Variants in ANKRD11 observed in about 807,000 individuals in gnomAD.
The protein encoded by ANKRD11 is ankyrin repeat domain-containing protein 11.
A neutral mutation model predicts 195.7 loss-of-function variants in ANKRD11; 17 were observed. That is an observed-to-expected ratio of 0.09 (90% CI 0.06 to 0.13). ANKRD11 has a LOEUF of 0.13. Among genes scored for constraint, ANKRD11 ranks in the 10% least tolerant of loss-of-function variants. ANKRD11 has a pLI of 1.00. For synonymous variants in ANKRD11, 1,953 were observed against 1,528.1 expected (o/e 1.28, Z -6.49); for missense variants, 3,735 against 3,566.1 (o/e 1.05, Z -1.21).
At chr16:89,402,014 G>C (rs544561407) in intron 2 of ANKRD11, among the ~76,000 whole-genome samples, 6 of 150,258 alleles carry the variant, frequency 4.0e-5, no homozygotes, top group African/African-American at 1.5e-4. Flanking sequence ...TGGGAGAACA[G>C]ATCCTTGCTG....
rs548535078 is a variant in ANKRD11, at chr16:89,291,489, G to A, written c.227-306C>T. Among the ~76,000 whole-genome samples the A allele has an allele frequency of 6.4e-4, 98 of 152,236 alleles. 1 individual carries two copies. Among genetic ancestry groups the A allele is most frequent in the African/African-American group, 2.3e-3 (94 of 41,538 alleles). The stretch of plus-strand genomic sequence containing the variant: ...CCTCTCCTGGGCCTCCCCAGACCTC[G>A]TACCACACATGAATGCGGTGGGACA... On this transcript the variant is annotated intron_variant, in intron 4 of 12. Transcript: ENST00000301030. This position sits in a 1 kb window ranked among gnomAD's most constrained non-coding sequence, Gnocchi z 5.3.
At chr16:89,431,947 C>G (rs773887428) in intron 1 of ANKRD11, among the ~76,000 whole-genome samples, 9 of 152,162 alleles carry the variant, frequency 5.9e-5, no homozygotes, top group Non-Finnish European at 1.3e-4. Context: ...TCCTCCCTAT[C>G]AAAAGCCCAC....
intron 1 of ANKRD11, among the ~76,000 whole-genome samples, chr16:89,489,565 A>T (rs113494832): frequency 2.0e-5 from 3 of 151,614 alleles, no homozygotes; most frequent in African/African-American, 7.3e-5. Flanking sequence ...CTCATTTCAA[A>T]ACAGCGATAA....
chr16:89,397,689 G>A (rs2041504960), intron 2 of ANKRD11, among the ~76,000 whole-genome samples: 2 of 152,262 alleles, frequency 1.3e-5, no homozygotes, highest in South Asian at 4.1e-4. Context: ...TGCTTTTGTG[G>A]ATGCTGACCC....
At chr16:89,354,522 T>C (rs1363729088) in intron 2 of ANKRD11, among the ~76,000 whole-genome samples, 3 of 152,164 alleles carry the variant, frequency 2.0e-5, no homozygotes, top group African/African-American at 4.8e-5. Context: ...CTGCTCTTGA[T>C]AGGGAGGGCA....
At position 89,268,556 on chromosome 16, in the gene ANKRD11, G is replaced by T; in HGVS notation, c.7914C>A (p.Ser2638=). The T allele has an allele frequency of 5.9e-6, 9 of 1,515,728 alleles. No individual in the cohort carries two copies. The highest frequency in any genetic ancestry group is 8.1e-6 in the Non-Finnish European group (9 of 1,116,344). 93.9% of individuals were successfully genotyped at this position (1,515,728 alleles called of 1,614,324 possible). A position where few individuals can be genotyped will look rare whatever the true frequency, so the allele number is the denominator to read the frequency against. The change falls in exon 13 of 13, where the codon TCC becomes TCA. Residue 2638 remains serine (S), a synonymous_variant. Transcript: ENST00000301030. ...AGGAGGGCACCTCGTTCACGCACAG[G>T]GACTTGTGCCCGGCGGGGTCCAGTT... is the stretch of plus-strand genomic sequence containing the variant. ...VQELDPAGHK[S]LCVNEVPSFY...
At chr16:89,372,734 G>A (rs367799520) in intron 2 of ANKRD11, 23 of 152,294 alleles carry the variant, frequency 1.5e-4, no homozygotes, top group African/African-American at 5.5e-4. Flanking sequence ...CGGGGACCCA[G>A]GACACTGTTC....
chr16:89,452,741 T>C (rs1407526815), intron 1 of ANKRD11, among the ~76,000 whole-genome samples: 1 of 142,972 alleles, frequency 7.0e-6, no homozygotes, highest in East Asian at 2.1e-4. Flanking sequence ...GATCATGCCA[T>C]TGCACTCCAG....
Position 89,432,989 on chromosome 16 carries a change from TC to T in ANKRD11, c.-144-14622del, listed in dbSNP as rs1184994176. Among the ~76,000 whole-genome samples the T allele has an allele frequency of 8.7e-3, 1,034 of 118,226 alleles. 8 individuals carry two copies. The highest frequency in any genetic ancestry group is 0.024 in the African/African-American group (630 of 26,696). The allele number at this position is 118,226 out of a possible 152,430, so 77.6% of individuals were successfully genotyped here. The stretch of plus-strand genomic sequence containing the variant: ...CTCTCTCTCTCTCTCTCTCTCTCTC[TC>T]CTCTCTCTCACACACACACACACAC... On this transcript the variant is annotated intron_variant, in intron 1 of 12. Coordinates refer to ENST00000301030, the MANE Select transcript of ANKRD11 (RefSeq NM_013275.6).
chr16:89,389,658 C>T (rs1251648746), intron 2 of ANKRD11, among the ~76,000 whole-genome samples: 1 of 152,172 alleles, frequency 6.6e-6, no homozygotes, highest in Non-Finnish European at 1.5e-5. Flanking sequence ...CTCAGAGAAA[C>T]GGCATGTCAA....
rs1567564452 is a variant in ANKRD11 at position 89,281,248 on chromosome 16, G to C, written c.5294C>G (p.Ser1765Cys). Reference sequence around the variant, plus strand: ...TTCCGAAAGCCCACTTGAAGCCACGGAGAACCTGTCGAAAAAGGAGGGGGA... The same window carrying C: ...TTCCGAAAGCCCACTTGAAGCCACGCAGAACCTGTCGAAAAAGGAGGGGGA... ...ACSPSFFDRF[S>C]VASSGLSENA... The change falls in exon 9 of 13, where the codon TCC (serine) becomes TGC (cysteine). Residue 1765 changes from serine (S) to cysteine (C), a missense_variant. Coordinates refer to ENST00000301030, the MANE Select transcript of ANKRD11 (RefSeq NM_013275.6). The surrounding 1 kb of genome is among the most constrained non-coding windows in gnomAD (Gnocchi z 5.5). The C allele has an allele frequency of 6.2e-7, 1 of 1,614,252 alleles. No individual in the cohort carries two copies. The highest frequency in any genetic ancestry group is 8.5e-7 in the Non-Finnish European group (1 of 1,180,048).
intron 2 of ANKRD11, among the ~76,000 whole-genome samples, chr16:89,340,957 A>G (rs1293489673): frequency 6.6e-6 from 1 of 152,194 alleles, no homozygotes; most frequent in Admixed American, 6.5e-5. Flanking sequence ...ATCAGCCAAT[A>G]GAGTCCTGGA....
chr16:89,426,615 G>T (rs892392679), intron 1 of ANKRD11, among the ~76,000 whole-genome samples: 7 of 151,264 alleles, frequency 4.6e-5, no homozygotes, highest in African/African-American at 1.5e-4. Flanking sequence ...CTTTCAGAAA[G>T]CCTAAATCAG....
intron 2 of ANKRD11, among the ~76,000 whole-genome samples, chr16:89,325,984 G>A (rs1337954888): frequency 1.3e-5 from 2 of 152,266 alleles, no homozygotes; most frequent in Non-Finnish European, 1.5e-5. Flanking sequence ...CACACTGCAG[G>A]GCACCCACTG....
At chr16:89,480,964 CA>C (rs1041757682) in intron 1 of ANKRD11, among the ~76,000 whole-genome samples, 18 of 152,244 alleles carry the variant, frequency 1.2e-4, no homozygotes, top group African/African-American at 4.3e-4. Context: ...CCACATCTGT[CA>C]AATGTCCCCA....
At position 89,308,157 on chromosome 16, in the gene ANKRD11, C is replaced by A. The variant is rs535585634; in HGVS notation, c.88-2813G>T. ...CATTCTATGAAAAGAAAATGATAAA[C>A]CAACATACCTTATGAACATAGACAG... On this transcript the variant is annotated intron_variant, in intron 3 of 12. Transcript: ENST00000301030. Among the ~76,000 whole-genome samples, 91 of 152,232 alleles carry A rather than the reference C, an allele frequency of 6.0e-4. No homozygotes were observed. In the South Asian group the frequency reaches 6.9e-3, roughly 11 times the overall value.
intron 2 of ANKRD11, among the ~76,000 whole-genome samples, chr16:89,412,035 G>C (rs34586086): frequency 8.4e-5 from 8 of 95,176 alleles, no homozygotes; most frequent in African/African-American, 2.2e-4. Context: ...CCTCAGCCAG[G>C]TACTGGGCTG....
Position 89,324,281 on chromosome 16 carries a change from C to G in ANKRD11, c.-59-7203G>C, listed in dbSNP as rs1006510272. On this transcript the variant is annotated intron_variant, in intron 2 of 12. Coordinates refer to ENST00000301030, the MANE Select transcript of ANKRD11 (RefSeq NM_013275.6). ...CTGTGGAACATACAGGAGCCCCGTG[C>G]TCCGGAACACGGACCACCCGACAGG... is the stretch of plus-strand genomic sequence containing the variant. The G allele has an allele frequency of 7.2e-6, 9 of 1,249,804 alleles. No individual in the cohort carries two copies. The African/African-American group carries it at 1.1e-4, about 15-fold the overall frequency. The allele number at this position is 1,249,804 out of a possible 1,614,324, so 77.4% of individuals were successfully genotyped here. A position where few individuals can be genotyped will look rare whatever the true frequency, so the allele number is the denominator to read the frequency against.
intron 2 of ANKRD11, among the ~76,000 whole-genome samples, chr16:89,373,660 A>C (rs2040292021): frequency 6.6e-6 from 1 of 152,182 alleles, no homozygotes; most frequent in African/African-American, 2.4e-5. Flanking sequence ...CGAAATGAAA[A>C]CATCATGTAA....
Sources: allele counts gnomAD v4.1 joint callset (sites outside exome capture counted in the v4.1 genomes callset), GRCh38; gene constraint gnomAD v4.1.1; non-coding constraint Gnocchi (gnomAD v3.1); transcripts MANE v1.5; gene names NCBI Gene and HGNC (gene_info 2026-07-23, HGNC 2026-07-21).